The following SGCZ variants were observed in gnomAD, a reference collection of about 807,000 sequenced individuals.
The protein encoded by SGCZ is zeta-sarcoglycan.
Under a neutral mutation model 41.3 loss-of-function variants are expected in SGCZ, and 40 were observed. That is an observed-to-expected ratio of 0.97 (90% CI 0.75 to 1.26). The LOEUF (loss-of-function observed/expected upper bound fraction) is 1.26, where lower values mean the gene tolerates loss of function less well. Among genes scored for constraint, SGCZ ranks in the 50% most tolerant of loss-of-function variants. The probability of loss-of-function intolerance (pLI) is 0.00; values close to 1 mark genes in which losing one functional copy is unlikely to be tolerated. For missense variants in SGCZ, 552 were observed against 369.8 expected, an observed-to-expected ratio of 1.49 and a Z score of -4.04; for synonymous variants, 206 against 137.5, an observed-to-expected ratio of 1.50 and a Z score of -3.49.
At chr8:14,485,843 T>TTTTTTTA in intron 2 of SGCZ, among the ~76,000 whole-genome samples, 1 of 135,806 alleles carries the variant, frequency 7.4e-6, no homozygotes. Context: ...ATTTTTTTTT[T>TTTTTTTA]TTTTTTTTTG....
At position 15,037,867 on chromosome 8, in the gene SGCZ, C is replaced by T. The variant is rs940697032; in HGVS notation, c.39+199718G>A. 2.0e-5 allele frequency among the ~76,000 whole-genome samples: 3 copies of T among 151,862 alleles called. No homozygotes were observed. In the South Asian group the frequency reaches 6.2e-4, roughly 32 times the overall value. On this transcript the variant is annotated intron_variant, in intron 1 of 7. Coordinates refer to ENST00000382080, the MANE Select transcript of SGCZ (RefSeq NM_139167.4). ...TTGAAAAATCAATAAGAAAACAATC[C>T]CATTTATAATGGCTCAAGAAACCAG...
At chr8:14,232,586 TTTTG>T (rs1806610490) in intron 4 of SGCZ, among the ~76,000 whole-genome samples, 2 of 152,040 alleles carry the variant, frequency 1.3e-5, no homozygotes, top group South Asian at 4.1e-4. Flanking sequence ...ATGCCACTGA[TTTTG>T]TTTTTTATTT....
At position 15,180,873 on chromosome 8, in the gene SGCZ, C is replaced by T. The variant is rs558429546; in HGVS notation, c.39+56712G>A. Among the ~76,000 whole-genome samples, 1,268 of 148,780 alleles carry T rather than the reference C, an allele frequency of 8.5e-3. 12 individuals carry two copies. Among genetic ancestry groups the T allele is most frequent in the African/African-American group, 0.029 (1,188 of 40,348 alleles). ...CTGCACTCCAGCCTGGGCAACAGAGCGAGACTCCATCTCAAAAAAAAAAAA... is the reference window on the plus strand; with the variant it reads ...CTGCACTCCAGCCTGGGCAACAGAGTGAGACTCCATCTCAAAAAAAAAAAA... On this transcript the variant is annotated intron_variant, in intron 1 of 7. Transcript: ENST00000382080.
At chr8:14,394,492 A>G (rs1804909362) in intron 2 of SGCZ, among the ~76,000 whole-genome samples, 2 of 152,138 alleles carry the variant, frequency 1.3e-5, no homozygotes, top group Non-Finnish European at 2.9e-5. Flanking sequence ...ACTGACATCT[A>G]AGAAACACTT....
chr8:14,148,492 C>G (rs181413387), intron 5 of SGCZ, among the ~76,000 whole-genome samples: 3 of 151,810 alleles, frequency 2.0e-5, no homozygotes, highest in East Asian at 1.9e-4. Flanking sequence ...AGAAGAGATC[C>G]AAAACCTGAA....
At chr8:14,109,267 T>C (rs1167190032) in intron 5 of SGCZ, among the ~76,000 whole-genome samples, 1 of 152,204 alleles carries the variant, frequency 6.6e-6, no homozygotes. Flanking sequence ...TATCTCAACT[T>C]TCATTTACTG....
chr8:15,141,918 AT>A (rs1475083287), intron 1 of SGCZ, among the ~76,000 whole-genome samples: 13 of 152,018 alleles, frequency 8.6e-5, no homozygotes, highest in Non-Finnish European at 1.9e-4. Context: ...AACAAAAAAA[AT>A]GAGAACCTCA....
intron 1 of SGCZ, among the ~76,000 whole-genome samples, chr8:15,204,969 C>G (rs1285295640): frequency 3.9e-5 from 6 of 151,998 alleles, no homozygotes; most frequent in Non-Finnish European, 7.4e-5. Flanking sequence ...ATCTTTTATT[C>G]TAATTAGGTG....
intron 1 of SGCZ, among the ~76,000 whole-genome samples, chr8:14,956,371 T>A (rs894909474): frequency 6.6e-6 from 1 of 152,046 alleles, no homozygotes. Flanking sequence ...CCAATATCAG[T>A]TTTTGCACAG....
intron 2 of SGCZ, among the ~76,000 whole-genome samples, chr8:14,361,877 CT>C (rs1803527159): frequency 6.6e-6 from 1 of 152,076 alleles, no homozygotes; most frequent in African/African-American, 2.4e-5. Context: ...TGTGGATGTC[CT>C]TTTTGTAGAT....
At chr8:14,234,781 T>C (rs1806696162) in intron 4 of SGCZ, among the ~76,000 whole-genome samples, 2 of 152,186 alleles carry the variant, frequency 1.3e-5, no homozygotes, top group Non-Finnish European at 2.9e-5. Context: ...GCTTGATTCA[T>C]TCAAGTATGT....
intron 1 of SGCZ, among the ~76,000 whole-genome samples, chr8:14,837,805 T>C (rs1477962208): frequency 1.3e-5 from 2 of 152,190 alleles, no homozygotes; most frequent in African/African-American, 2.4e-5. Context: ...TATAGACACA[T>C]AATAGTCATA....
intron 1 of SGCZ, among the ~76,000 whole-genome samples, chr8:15,192,256 C>T (rs898194007): frequency 6.6e-6 from 1 of 151,908 alleles, no homozygotes; most frequent in Non-Finnish European, 1.5e-5. Flanking sequence ...AGCCCAAATC[C>T]CTGAAGATGA....
At chr8:14,553,469 A>C (rs543437498) in intron 2 of SGCZ, among the ~76,000 whole-genome samples, 1 of 151,998 alleles carries the variant, frequency 6.6e-6, no homozygotes. Context: ...CTTTGCCTTC[A>C]GTTTCTTATT....
intron 3 of SGCZ, among the ~76,000 whole-genome samples, chr8:14,323,611 T>A (rs1802001981): frequency 6.6e-6 from 1 of 152,150 alleles, no homozygotes; most frequent in Admixed American, 6.6e-5. Context: ...ACACTCATAT[T>A]TGAAGGATAA....
intron 1 of SGCZ, among the ~76,000 whole-genome samples, chr8:14,879,520 G>T (rs1226762344): frequency 1.3e-5 from 2 of 151,262 alleles, no homozygotes; most frequent in African/African-American, 4.9e-5. Flanking sequence ...CCATTGTTTT[G>T]CTCTGAGTTT....
At chr8:14,440,682 C>T (rs565550296) in intron 2 of SGCZ, among the ~76,000 whole-genome samples, 3 of 115,944 alleles carry the variant, frequency 2.6e-5, no homozygotes, top group East Asian at 3.1e-4. Flanking sequence ...TATATACATA[C>T]GTATACACGT....
intron 1 of SGCZ, among the ~76,000 whole-genome samples, chr8:14,618,239 G>A (rs1806170260): frequency 6.6e-6 from 1 of 152,104 alleles, no homozygotes; most frequent in Admixed American, 6.6e-5. Context: ...AAATGATATG[G>A]TATGTTATAC....
chr8:14,318,016 A>C lies in SGCZ; in HGVS notation c.336+6087T>G, dbSNP rs200468612. Among the ~76,000 whole-genome samples the C allele has an allele frequency of 2.6e-5, 4 of 152,132 alleles. No homozygotes were observed. The East Asian group carries it at 5.8e-4, about 22-fold the overall frequency. On this transcript the variant is annotated intron_variant, in intron 3 of 7. Coordinates refer to ENST00000382080, the MANE Select transcript of SGCZ (RefSeq NM_139167.4). ...TACAGCTAGACTTTGGGTTTCTTGCAAGTATATCAGTAGAACAGCATAGAG... is the reference window on the plus strand; with the variant it reads ...TACAGCTAGACTTTGGGTTTCTTGCCAGTATATCAGTAGAACAGCATAGAG...
Sources: gnomAD v4.1 joint callset for allele counts (sites outside exome capture counted in the v4.1 genomes callset) on GRCh38, gnomAD v4.1.1 for gene constraint, MANE v1.5 for transcripts, NCBI Gene and HGNC (gene_info 2026-07-23, HGNC 2026-07-21) for gene names.